TEX14: variants seen among roughly 807,000 people sequenced by gnomAD.
TEX14 encodes inactive serine/threonine-protein kinase TEX14.
In TEX14, 168 loss-of-function variants were observed where a neutral mutation model predicts 178.6. The observed-to-expected ratio is 0.94, with a 90% CI of 0.83 to 1.07. TEX14 has a LOEUF of 1.07. Ranked by LOEUF, TEX14 falls within the 50% of genes least tolerant of loss-of-function variation. The pLI is 0.00. For missense variants in TEX14, 1,730 were observed against 1,753.6 expected, an observed-to-expected ratio of 0.99 and a Z score of 0.24; for synonymous variants, 626 against 634.1, an observed-to-expected ratio of 0.99 and a Z score of 0.19.
chr17:58,683,002 G>A (rs972659695), intron 1 of TEX14, among the ~76,000 whole-genome samples: 5 of 147,982 alleles, frequency 3.4e-5, no homozygotes, highest in Non-Finnish European at 7.4e-5. Flanking sequence ...GCAATGTGTC[G>A]AGATCGCGCC....
rs145185800 is a variant in TEX14 at position 58,662,729 on chromosome 17, T to G, written c.-1-10727A>C. Among the ~76,000 whole-genome samples the G allele has an allele frequency of 9.1e-4, 139 of 152,234 alleles. 1 individual carries two copies. The highest frequency in any genetic ancestry group is 3.3e-3 in the African/African-American group (136 of 41,536). On this transcript the variant is annotated intron_variant, in intron 1 of 31. Coordinates refer to ENST00000349033, the MANE Select transcript of TEX14 (RefSeq NM_031272.5). ...CTCATGGGAGTCAAGGAAGGAAGGGTTGATGCTCAGAAATATGAGAGTGAC... is the reference window on the plus strand; with the variant it reads ...CTCATGGGAGTCAAGGAAGGAAGGGGTGATGCTCAGAAATATGAGAGTGAC...
intron 9 of TEX14, among the ~76,000 whole-genome samples, chr17:58,612,171 T>C (rs1467844395): frequency 5.3e-5 from 8 of 152,250 alleles, no homozygotes; most frequent in Non-Finnish European, 8.8e-5. Flanking sequence ...CAGGCCTCTA[T>C]AGAAAAAACT....
intron 10 of TEX14, among the ~76,000 whole-genome samples, chr17:58,609,792 A>G (rs989216856): frequency 2.0e-5 from 3 of 152,194 alleles, no homozygotes; most frequent in African/African-American, 7.2e-5. Flanking sequence ...ACATACGCAA[A>G]GGCCTGTTCT....
Position 58,601,807 on chromosome 17 carries a change from C to A in TEX14, c.1677G>T (p.Met559Ile), listed in dbSNP as rs35927726. Residue 559 changes from methionine (M) to isoleucine (I), a missense_variant and splice_region_variant, in exon 13 of 32, where the codon ATG becomes ATT. Physicochemically the swap from Met to Ile is conservative, Grantham distance 10 (BLOSUM62 1). Coordinates refer to ENST00000349033, the MANE Select transcript of TEX14 (RefSeq NM_031272.5). ...PDMEIIELKE[M>I]GSQPHSPRVH... ...ACAACCTGTGAATTAAGGCCATACC[C>A]ATTTCCTTTAGTTCTATGATTTCCA... 6 of 1,612,246 alleles carry A rather than the reference C, an allele frequency of 3.7e-6. No individual in the cohort carries two copies. In the East Asian group the frequency reaches 1.3e-4, roughly 36 times the overall value.
chr17:58,570,870 A>G (rs2044508336), intron 24 of TEX14, among the ~76,000 whole-genome samples: 1 of 151,890 alleles, frequency 6.6e-6, no homozygotes, highest in African/African-American at 2.4e-5. Context: ...ATCTCAAATG[A>G]TCCACCCACT....
intron 21 of TEX14, among the ~76,000 whole-genome samples, chr17:58,574,675 CAA>C (rs1177255314): frequency 9.3e-4 from 41 of 43,884 alleles, no homozygotes; most frequent in Admixed American, 1.9e-3. Context: ...ACTCCATCTC[CAA>C]AAAAAAAAAA....
intron 2 of TEX14, among the ~76,000 whole-genome samples, chr17:58,640,305 CA>C (rs71143261): frequency 2.7e-3 from 353 of 130,148 alleles, no homozygotes; most frequent in Middle Eastern, 3.9e-3. Context: ...GACTCTGTCC[CA>C]AAAAAAAAAA....
chr17:58,638,785 C>T (rs2046499587), intron 2 of TEX14, among the ~76,000 whole-genome samples: 1 of 151,980 alleles, frequency 6.6e-6, no homozygotes, highest in African/African-American at 2.4e-5. Context: ...GGTGATCCTC[C>T]TGCCCCGGCC....
intron 15 of TEX14, among the ~76,000 whole-genome samples, chr17:58,588,779 T>C (rs1567721543): frequency 6.6e-6 from 1 of 152,060 alleles, no homozygotes; most frequent in Non-Finnish European, 1.5e-5. Context: ...AAATATCCCA[T>C]AACTAGCCAG....
chr17:58,577,228 C>A, intron 21 of TEX14, 147 bp downstream of exon 21: 1 of 353,996 alleles, frequency 2.8e-6, no homozygotes. Context: ...TGCACAAGTC[C>A]TAACACAGCT....
At chr17:58,600,026 T>A (rs2045391897) in intron 13 of TEX14, among the ~76,000 whole-genome samples, 1 of 151,988 alleles carries the variant, frequency 6.6e-6, no homozygotes, top group African/African-American at 2.4e-5. Context: ...AGAGATGGGG[T>A]CTTGCTGTGT....
chr17:58,585,438 T>G (rs1381681794), intron 18 of TEX14, among the ~76,000 whole-genome samples: 1 of 151,818 alleles, frequency 6.6e-6, no homozygotes, highest in Non-Finnish European at 1.5e-5. Context: ...GCTGATAACT[T>G]TTTTTTACTT....
chr17:58,641,712 G>A (rs1020859189), intron 2 of TEX14, among the ~76,000 whole-genome samples: 3 of 151,704 alleles, frequency 2.0e-5, no homozygotes, highest in Non-Finnish European at 4.4e-5. Flanking sequence ...TCTCCATGTT[G>A]GCCAACCTGG....
intron 16 of TEX14, 56 bp downstream of exon 16, chr17:58,587,840 A>G: frequency 7.6e-7 from 1 of 1,322,054 alleles, no homozygotes; most frequent in South Asian, 1.2e-5. Flanking sequence ...AGAGGGTGCC[A>G]GAACCCACCC....
intron 1 of TEX14, among the ~76,000 whole-genome samples, chr17:58,686,680 C>T (rs2047598974): frequency 6.6e-6 from 1 of 151,898 alleles, no homozygotes; most frequent in Admixed American, 6.6e-5. Context: ...ACATATTGGG[C>T]TTCTATTATG....
chr17:58,561,664 C>G, intron 28 of TEX14, 52 bp from the exon 29 acceptor site: 1 of 1,266,506 alleles, frequency 7.9e-7, no homozygotes, highest in Non-Finnish European at 1.2e-6. Flanking sequence ...TCCCATCCCC[C>G]TTGACAAAGA....
intron 2 of TEX14, among the ~76,000 whole-genome samples, chr17:58,632,649 G>A (rs916640343): frequency 6.6e-6 from 1 of 152,128 alleles, no homozygotes; most frequent in African/African-American, 2.4e-5. Context: ...ACTGGCAGCC[G>A]GCCTGCAAAC....
At chr17:58,630,638 T>C in intron 2 of TEX14, 84 bp from the exon 3 acceptor site, 1 of 891,910 alleles carries the variant, frequency 1.1e-6, no homozygotes, top group Non-Finnish European at 1.8e-6. Flanking sequence ...AATTACATAT[T>C]TTTATAGTGT....
intron 15 of TEX14, among the ~76,000 whole-genome samples, chr17:58,589,096 T>C (rs2045055974): frequency 2.0e-5 from 3 of 149,780 alleles, no homozygotes; most frequent in South Asian, 2.1e-4. Flanking sequence ...GAAAACTCTA[T>C]ACTAAAAAAA....
Sources: gnomAD v4.1 joint callset for allele counts (sites outside exome capture counted in the v4.1 genomes callset) on GRCh38, gnomAD v4.1.1 for gene constraint, MANE v1.5 for transcripts, NCBI Gene and HGNC (gene_info 2026-07-23, HGNC 2026-07-21) for gene names.